Variants in SESN2 observed in about 807,000 individuals in gnomAD.
SESN2 encodes the protein sestrin-2.
Under a neutral mutation model 56.0 loss-of-function variants are expected in SESN2, and 42 were observed. The observed-to-expected ratio is 0.75, with a 90% CI of 0.59 to 0.97. The LOEUF (loss-of-function observed/expected upper bound fraction) is 0.97. SESN2 is among the 50% of genes least tolerant of loss of function. The probability of loss-of-function intolerance (pLI) is 0.00; values close to 1 mark genes in which losing one functional copy is unlikely to be tolerated. For missense variants in SESN2, 507 were observed against 649.4 expected, an observed-to-expected ratio of 0.78 and a Z score of 2.38; for synonymous variants, 264 against 267.1, an observed-to-expected ratio of 0.99 and a Z score of 0.11.
At position 28,274,893 on chromosome 1, in the gene SESN2, G is replaced by A; in HGVS notation, c.1089G>A (p.Leu363=). 2 of 1,614,186 alleles carry A rather than the reference G, an allele frequency of 1.2e-6. No individual in the cohort carries two copies. Among genetic ancestry groups the A allele is most frequent in the Non-Finnish European group, 1.7e-6 (2 of 1,180,020 alleles). The change falls in exon 8 of 10, where the codon CTG becomes CTA. Residue 363 remains leucine, a synonymous_variant. Coordinates refer to ENST00000253063, the MANE Select transcript of SESN2 (RefSeq NM_031459.5). ...TTTACCCTGAGGGTGGGCAGCTGCT[G>A]GATGAGAAGTTCCAGGCAGCCTATA... ...QRLYPEGGQL[L]DEKFQAAYSL... is the part of the protein sequence containing the mutation.
At chr1:28,267,510 G>A (rs1470653261) in intron 1 of SESN2, among the ~76,000 whole-genome samples, 12 of 152,052 alleles carry the variant, frequency 7.9e-5, no homozygotes, top group Non-Finnish European at 1.5e-4. Flanking sequence ...TTTGGTTCCC[G>A]GATACCTGAG....
chr1:28,273,694 G>A (rs1039533990), intron 6 of SESN2, among the ~76,000 whole-genome samples, 186 bp downstream of exon 6: 3 of 152,176 alleles, frequency 2.0e-5, no homozygotes, highest in African/African-American at 2.4e-5. Context: ...CCGGCTGTGC[G>A]ACCACTGACG....
chr1:28,275,976 T>C (rs1648024264), intron 8 of SESN2, among the ~76,000 whole-genome samples: 1 of 151,924 alleles, frequency 6.6e-6, no homozygotes, highest in Admixed American at 6.6e-5. Context: ...TGAAACCCCA[T>C]ATCTATGAAA....
In SESN2 at chr1:28,274,028, T is replaced by C; in HGVS notation, c.902-12T>C. 2 of 1,572,030 alleles carry C rather than the reference T, an allele frequency of 1.3e-6. No homozygotes were observed. The highest frequency in any genetic ancestry group is 1.8e-6 in the Non-Finnish European group (2 of 1,141,730). On this transcript the variant is annotated splice_polypyrimidine_tract_variant and intron_variant, in intron 6 of 9. Transcript: ENST00000253063. ...TGCCTCAGCCTCACTGTGACCTCTTTCTGGTCCTCAGCTGACATCCTGGAG... is the reference window on the plus strand; with the variant it reads ...TGCCTCAGCCTCACTGTGACCTCTTCCTGGTCCTCAGCTGACATCCTGGAG...
At chr1:28,270,634 C>T (rs1647736097) in intron 2 of SESN2, among the ~76,000 whole-genome samples, 1 of 151,818 alleles carries the variant, frequency 6.6e-6, no homozygotes, top group South Asian at 2.1e-4. Flanking sequence ...TGCAATGGCA[C>T]GATCTTGGCT....
chr1:28,274,459 A>T (rs1442275882), intron 7 of SESN2, among the ~76,000 whole-genome samples: 1 of 152,064 alleles, frequency 6.6e-6, no homozygotes, highest in Non-Finnish European at 1.5e-5. Flanking sequence ...TTGAGCTGGG[A>T]GATCAAGGCT....
intron 1 of SESN2, among the ~76,000 whole-genome samples, 188 bp downstream of exon 1, chr1:28,260,125 C>G (rs1296237594): frequency 2.7e-5 from 4 of 147,196 alleles, no homozygotes; most frequent in East Asian, 2.1e-4. Flanking sequence ...TGTCTCCCCT[C>G]TCCCTCCTTC....
At chr1:28,261,566 A>G (rs1338862955) in intron 1 of SESN2, among the ~76,000 whole-genome samples, 14 of 152,162 alleles carry the variant, frequency 9.2e-5, no homozygotes. Context: ...CTTGCTTGCT[A>G]TTATCAGAAC....
intron 9 of SESN2, among the ~76,000 whole-genome samples, chr1:28,279,888 C>G (rs1648174533): frequency 6.7e-6 from 1 of 148,990 alleles, no homozygotes; most frequent in South Asian, 2.1e-4. Context: ...GAGTCTTGCT[C>G]TGTTGCCCAG....
intron 9 of SESN2, among the ~76,000 whole-genome samples, chr1:28,280,299 C>G (rs987413252): frequency 6.6e-6 from 1 of 152,132 alleles, no homozygotes; most frequent in African/African-American, 2.4e-5. Context: ...CTCTGTCTCC[C>G]GGGTTCAAGT....
In SESN2 at chr1:28,272,443, C is replaced by A; in HGVS notation, c.514C>A (p.Leu172Ile). 1.9e-6 allele frequency: 3 copies of A among 1,613,230 alleles called. No individual in the cohort carries two copies. The highest frequency in any genetic ancestry group is 2.2e-5 in the East Asian group (1 of 44,880). Residue 172 changes from leucine to isoleucine, a missense_variant, in exon 4 of 10, where the codon CTC becomes ATC. By Grantham distance (5) the Leu-to-Ile change is conservative. Coordinates refer to ENST00000253063, the MANE Select transcript of SESN2 (RefSeq NM_031459.5). ...CAAGTTGCTGGCGCATCGGCCATGG[C>A]TCATCACCAAGGAACACATCCAGGT... is the stretch of plus-strand genomic sequence containing the variant. Reference protein sequence around the residue: ...INKLLAHRPWLITKEHIQALL... With the variant: ...INKLLAHRPWIITKEHIQALL...
At chr1:28,266,651 C>G (rs1647569888) in intron 1 of SESN2, among the ~76,000 whole-genome samples, 1 of 150,724 alleles carries the variant, frequency 6.6e-6, no homozygotes, top group Admixed American at 6.6e-5. Context: ...CCTCAAACTC[C>G]TGGGCTCAGG....
intron 1 of SESN2, among the ~76,000 whole-genome samples, chr1:28,260,724 TC>T (rs1240120956): frequency 3.0e-5 from 4 of 134,846 alleles, no homozygotes; most frequent in African/African-American, 1.1e-4. Context: ...CGCATTCGCA[TC>T]CCGGCATAGC....
intron 6 of SESN2, among the ~76,000 whole-genome samples, chr1:28,273,804 C>G (rs1647906866): frequency 6.6e-6 from 1 of 152,160 alleles, no homozygotes. Context: ...GGGAACCGCT[C>G]CATAAATAAC....
At chr1:28,274,229 T>A in intron 7 of SESN2, 71 bp downstream of exon 7, 1 of 1,037,314 alleles carries the variant, frequency 9.6e-7, no homozygotes, top group Non-Finnish European at 1.5e-6. Flanking sequence ...ATAGTTTGAG[T>A]AGTTACAGAG....
chr1:28,271,560 C>T lies in SESN2; in HGVS notation c.157-114C>T, dbSNP rs1317485499. ...ATCCTCCCCATTCTTTCTTTTTGGACACGGTGGTGGTTTTTAGTTTCTTGC... is the reference window on the plus strand; with the variant it reads ...ATCCTCCCCATTCTTTCTTTTTGGATACGGTGGTGGTTTTTAGTTTCTTGC... On this transcript the variant is annotated intron_variant, in intron 2 of 9. Coordinates refer to ENST00000253063, the MANE Select transcript of SESN2 (RefSeq NM_031459.5). 8.6e-5 allele frequency: 61 copies of T among 710,662 alleles called. No individual in the cohort carries two copies. In the East Asian group the frequency reaches 1.3e-3, roughly 15 times the overall value. 44.0% of individuals were successfully genotyped at this position (710,662 alleles called of 1,614,324 possible). A position where few individuals can be genotyped will look rare whatever the true frequency, so the allele number is the denominator to read the frequency against.
chr1:28,279,553 G>T (rs1363930423), intron 9 of SESN2, among the ~76,000 whole-genome samples: 2 of 145,866 alleles, frequency 1.4e-5, no homozygotes, highest in African/African-American at 2.5e-5. Context: ...GAGTTTTTTT[G>T]TTTTTTTTTT....
chr1:28,275,172 CATT>C (rs1647986552), intron 8 of SESN2, among the ~76,000 whole-genome samples, 157 bp downstream of exon 8: 1 of 152,036 alleles, frequency 6.6e-6, no homozygotes, highest in African/African-American at 2.4e-5. Context: ...TGACAGTACT[CATT>C]GTTTGAACGT....
chr1:28,272,640 C>T lies in SESN2; in HGVS notation c.597C>T (p.Val199=). ...TGGCCGAGCTCATTCAGGCTCTGGT[C>T]CTGCTCACCCACTGCCACTCGCTCT... ...WSLAELIQAL[V]LLTHCHSLSS... is the part of the protein sequence containing the mutation. Residue 199 remains valine (V), a synonymous_variant, in exon 5 of 10, where the codon GTC becomes GTT. Coordinates refer to ENST00000253063, the MANE Select transcript of SESN2 (RefSeq NM_031459.5). 1 of 1,614,166 alleles carries T rather than the reference C, an allele frequency of 6.2e-7. No individual in the cohort carries two copies. The highest frequency in any genetic ancestry group is 8.5e-7 in the Non-Finnish European group (1 of 1,180,020).
Sources: gnomAD v4.1 joint callset for allele counts (sites outside exome capture counted in the v4.1 genomes callset) on GRCh38, gnomAD v4.1.1 for gene constraint, MANE v1.5 for transcripts, NCBI Gene and HGNC (gene_info 2026-07-23, HGNC 2026-07-21) for gene names.